The following PKN2 variants were observed in gnomAD, a reference collection of about 807,000 sequenced individuals.
The protein encoded by PKN2 is serine/threonine-protein kinase N2.
PKN2 carries 38 observed loss-of-function variants against 119.1 expected under a neutral mutation model. The observed-to-expected ratio is 0.32, with a 90% CI of 0.25 to 0.42. The LOEUF is 0.42. Among genes scored for constraint, PKN2 ranks in the 10% least tolerant of loss-of-function variants. The pLI is 1.00. For synonymous variants in PKN2, 390 were observed against 384.9 expected, an observed-to-expected ratio of 1.01 and a Z score of -0.15; for missense variants, 850 against 1,165.1, an observed-to-expected ratio of 0.73 and a Z score of 3.94.
chr1:88,722,693 G>A (rs114178252), intron 1 of PKN2, among the ~76,000 whole-genome samples: 1,679 of 151,920 alleles, frequency 0.011, 24 homozygotes, highest in African/African-American at 0.039. Context: ...TGAGGTGGGA[G>A]GATCACTTGA....
At position 88,684,396 on chromosome 1, in the gene PKN2, GC is replaced by G. The variant is rs1306806784; in HGVS notation, c.-183del. On this transcript the variant is annotated 5_prime_UTR_variant, in exon 1 of 22. Coordinates refer to ENST00000370521, the MANE Select transcript of PKN2 (RefSeq NM_006256.4). ...CCCGCTACGAGTGCCCTAGCTCCCC[GC>G]CGCTCTCGATGAACCGGACGGAATA... 1 of 533,446 alleles carries G rather than the reference GC, an allele frequency of 1.9e-6. No individual in the cohort carries two copies. Among genetic ancestry groups the G allele is most frequent in the African/African-American group, 2.0e-5 (1 of 49,682 alleles). The allele number at this position is 533,446 out of a possible 1,614,324, so 33.0% of individuals were successfully genotyped here.
intron 1 of PKN2, among the ~76,000 whole-genome samples, chr1:88,708,141 TA>T (rs923143985): frequency 2.0e-5 from 3 of 151,788 alleles, no homozygotes; most frequent in Non-Finnish European, 4.4e-5. Flanking sequence ...AATACATAAA[TA>T]CCTGGTGATA....
chr1:88,764,277 G>A (rs952964070), intron 3 of PKN2, among the ~76,000 whole-genome samples: 1 of 152,058 alleles, frequency 6.6e-6, no homozygotes, highest in South Asian at 2.1e-4. Context: ...ATTCTCCCAA[G>A]TACTTTTGTG....
intron 1 of PKN2, among the ~76,000 whole-genome samples, chr1:88,726,656 C>G (rs1012495739): frequency 5.4e-4 from 82 of 152,082 alleles, no homozygotes; most frequent in African/African-American, 2.0e-3. Context: ...CAGGGTAACA[C>G]CAACCTCATA....
At chr1:88,769,741 C>G (rs573888146) in intron 3 of PKN2, among the ~76,000 whole-genome samples, 1 of 152,070 alleles carries the variant, frequency 6.6e-6, no homozygotes, top group Non-Finnish European at 1.5e-5. Flanking sequence ...ATCTCACTTA[C>G]CTGTGGAATC....
intron 8 of PKN2, among the ~76,000 whole-genome samples, chr1:88,796,560 T>G (rs1432869049): frequency 6.6e-6 from 1 of 152,200 alleles, no homozygotes; most frequent in Admixed American, 6.5e-5. Context: ...CTTACCTTTG[T>G]ATGTTTTTTC....
At chr1:88,695,688 T>TATGGAAAA (rs1666515987) in intron 1 of PKN2, among the ~76,000 whole-genome samples, 1 of 152,214 alleles carries the variant, frequency 6.6e-6, no homozygotes, top group Non-Finnish European at 1.5e-5. Context: ...CCATCCTTTT[T>TATGGAAAA]ATTTCTACTG....
At chr1:88,750,824 C>T (rs939283697) in intron 2 of PKN2, among the ~76,000 whole-genome samples, 5 of 152,218 alleles carry the variant, frequency 3.3e-5, no homozygotes, top group African/African-American at 4.8e-5. Context: ...GTTTGTAAGT[C>T]GCCAAGCCTT....
intron 2 of PKN2, among the ~76,000 whole-genome samples, chr1:88,749,368 G>A (rs1668896072): frequency 6.9e-6 from 1 of 144,866 alleles, no homozygotes; most frequent in African/African-American, 2.6e-5. Context: ...TCGAGCCATT[G>A]CACTCCAGCC....
intron 6 of PKN2, among the ~76,000 whole-genome samples, chr1:88,781,862 A>C (rs1670358942): frequency 1.3e-5 from 2 of 152,118 alleles, no homozygotes; most frequent in East Asian, 1.9e-4. Flanking sequence ...AAGAAACACA[A>C]ATTTTTTAAC....
At chr1:88,772,147 C>T (rs370513672) in intron 6 of PKN2, among the ~76,000 whole-genome samples, 22 of 152,128 alleles carry the variant, frequency 1.4e-4, no homozygotes, top group African/African-American at 5.3e-4. Flanking sequence ...CAGTCACTCC[C>T]CATTCCCCCT....
At chr1:88,795,296 C>A (rs927876348) in intron 8 of PKN2, among the ~76,000 whole-genome samples, 8 of 152,254 alleles carry the variant, frequency 5.3e-5, no homozygotes, top group Admixed American at 3.3e-4. Flanking sequence ...TCTCCTATAG[C>A]CTTGTTTCAT....
intron 3 of PKN2, among the ~76,000 whole-genome samples, chr1:88,769,966 A>G (rs566163577): frequency 6.6e-6 from 1 of 152,230 alleles, no homozygotes; most frequent in Non-Finnish European, 1.5e-5. Flanking sequence ...AAACATACAC[A>G]TGAAAAGGGG....
At chr1:88,704,673 TG>T (rs1666901774) in intron 1 of PKN2, among the ~76,000 whole-genome samples, 1 of 150,712 alleles carries the variant, frequency 6.6e-6, no homozygotes, top group African/African-American at 2.4e-5. Flanking sequence ...TCCAGCCACT[TG>T]GGAAGCTGAG....
chr1:88,720,555 T>C (rs1667633652), intron 1 of PKN2, among the ~76,000 whole-genome samples: 1 of 152,222 alleles, frequency 6.6e-6, no homozygotes. Flanking sequence ...GTAAGGACTT[T>C]TAACTCACAT....
At chr1:88,712,934 C>G (rs1266496137) in intron 1 of PKN2, among the ~76,000 whole-genome samples, 1 of 151,892 alleles carries the variant, frequency 6.6e-6, no homozygotes, top group East Asian at 1.9e-4. Context: ...CCTACCCCCA[C>G]CCCACAACAG....
chr1:88,751,644 G>A (rs1406551666), intron 2 of PKN2, among the ~76,000 whole-genome samples: 2 of 151,878 alleles, frequency 1.3e-5, no homozygotes. Context: ...TATCATTTTA[G>A]CTTCAATTCC....
intron 1 of PKN2, among the ~76,000 whole-genome samples, chr1:88,711,309 GA>G (rs149982998): frequency 2.7e-5 from 4 of 147,000 alleles, no homozygotes; most frequent in Admixed American, 6.8e-5. Context: ...GAGAGAAGTG[GA>G]AAAAAAAAAG....
chr1:88,784,406 C>T (rs751285868), intron 6 of PKN2, among the ~76,000 whole-genome samples: 2 of 151,850 alleles, frequency 1.3e-5, no homozygotes, highest in African/African-American at 2.4e-5. Flanking sequence ...GCTACTGTGC[C>T]CAGCCAGGAG....
Sources: allele counts gnomAD v4.1 joint callset (sites outside exome capture counted in the v4.1 genomes callset), GRCh38; gene constraint gnomAD v4.1.1; transcripts MANE v1.5; gene names NCBI Gene and HGNC (gene_info 2026-07-23, HGNC 2026-07-21).